Variants in WDR72 observed in about 807,000 individuals in gnomAD.
The protein encoded by WDR72 is WD repeat-containing protein 72.
WDR72 carries 120 observed loss-of-function variants against 124.2 expected under a neutral mutation model. That is an observed-to-expected ratio of 0.97 (90% CI 0.83 to 1.12). The LOEUF (loss-of-function observed/expected upper bound fraction) is 1.12, where lower values mean the gene tolerates loss of function less well. WDR72 is among the 50% of genes most tolerant of loss of function. The pLI is 0.00. For synonymous variants in WDR72, 452 were observed against 441.7 expected (o/e 1.02, Z -0.29); for missense variants, 1,387 against 1,278.8 (o/e 1.08, Z -1.29).
intron 18 of WDR72, among the ~76,000 whole-genome samples, chr15:53,544,928 T>G (rs980840330): frequency 6.8e-6 from 1 of 147,942 alleles, no homozygotes; most frequent in Non-Finnish European, 1.5e-5. Context: ...TCAAAGAGAA[T>G]AAAATACCTA....
At chr15:53,758,025 A>C (rs1332203654) in intron 1 of WDR72, among the ~76,000 whole-genome samples, 4 of 151,214 alleles carry the variant, frequency 2.6e-5, no homozygotes, top group African/African-American at 9.8e-5. Flanking sequence ...CTTTTGAGAC[A>C]GGGTCTTTCT....
At chr15:53,660,048 T>TA (rs1178995580) in intron 14 of WDR72, among the ~76,000 whole-genome samples, 2 of 151,940 alleles carry the variant, frequency 1.3e-5, no homozygotes, top group African/African-American at 4.8e-5. Context: ...TTTAAAATTA[T>TA]AAAAAATTGA....
intron 3 of WDR72, among the ~76,000 whole-genome samples, chr15:53,717,345 G>A (rs1437028979): frequency 6.6e-6 from 1 of 152,046 alleles, no homozygotes; most frequent in Non-Finnish European, 1.5e-5. Context: ...AGAATTGTTT[G>A]GTAATATTCT....
At position 53,714,394 on chromosome 15, in the gene WDR72, TGAAATTGTAAGGAAAAAAGA is replaced by T; in HGVS notation, c.591+20_591+39del. On this transcript the variant is annotated intron_variant, in intron 6 of 19. Transcript: ENST00000360509. ...ATTTATAAATTTTAATGAATATGCTTGAAATTGTAAGGAAAAAAGAGTAGGGTTCCCAAGCCAACCTGAAT... is the reference window on the plus strand; with the variant it reads ...ATTTATAAATTTTAATGAATATGCTTGTAGGGTTCCCAAGCCAACCTGAAT... 1 of 1,503,822 alleles carries T rather than the reference TGAAATTGTAAGGAAAAAAGA, an allele frequency of 6.6e-7. No homozygotes were observed. Among genetic ancestry groups the T allele is most frequent in the South Asian group, 1.1e-5 (1 of 88,680 alleles). The allele number at this position is 1,503,822 out of a possible 1,614,324, so 93.2% of individuals were successfully genotyped here.
chr15:53,716,771 C>CTGCACTTAAGTGT, intron 3 of WDR72, 86 bp from the exon 4 acceptor site: 1 of 409,650 alleles, frequency 2.4e-6, no homozygotes, highest in Non-Finnish European at 4.5e-6. Context: ...TTTTCTTTAG[C>CTGCACTTAAGTGT]AGCCTGATCA....
chr15:53,689,782 C>A (rs1248337944), intron 13 of WDR72, among the ~76,000 whole-genome samples: 1 of 151,976 alleles, frequency 6.6e-6, no homozygotes, highest in African/African-American at 2.4e-5. Flanking sequence ...TTTATTGCGG[C>A]ATTATTCACA....
chr15:53,537,461 C>T (rs1892822715), intron 18 of WDR72, among the ~76,000 whole-genome samples: 1 of 152,096 alleles, frequency 6.6e-6, no homozygotes, highest in African/African-American at 2.4e-5. Context: ...GGAAATGTAT[C>T]TAAATGCTAT....
chr15:53,643,476 G>A (rs1031609590), intron 14 of WDR72, among the ~76,000 whole-genome samples: 2 of 151,980 alleles, frequency 1.3e-5, no homozygotes, highest in African/African-American at 4.8e-5. Context: ...CACCTAAAAC[G>A]TTAAAGTCCC....
chr15:53,586,862 T>G (rs1277303670), intron 18 of WDR72, among the ~76,000 whole-genome samples: 2 of 152,028 alleles, frequency 1.3e-5, no homozygotes, highest in Non-Finnish European at 2.9e-5. Flanking sequence ...AGGAACTTCT[T>G]GAGTTAGTGT....
intron 13 of WDR72, among the ~76,000 whole-genome samples, chr15:53,685,040 C>T (rs1407740260): frequency 1.3e-5 from 2 of 152,090 alleles, no homozygotes; most frequent in Non-Finnish European, 2.9e-5. Context: ...GAAAGGACAT[C>T]CACACCAAAA....
At chr15:53,747,601 T>G (rs1297757169) in intron 1 of WDR72, among the ~76,000 whole-genome samples, 1 of 152,226 alleles carries the variant, frequency 6.6e-6, no homozygotes, top group Non-Finnish European at 1.5e-5. Flanking sequence ...CACATCTCTT[T>G]CATTACATGG....
intron 14 of WDR72, among the ~76,000 whole-genome samples, chr15:53,648,599 C>T (rs1567003712): frequency 1.3e-5 from 2 of 152,062 alleles, no homozygotes; most frequent in Admixed American, 6.6e-5. Context: ...TAGTGTTTCT[C>T]CTCTTTTGAG....
intron 18 of WDR72, among the ~76,000 whole-genome samples, chr15:53,564,393 T>C (rs780316494): frequency 6.6e-6 from 1 of 151,936 alleles, no homozygotes; most frequent in Non-Finnish European, 1.5e-5. Context: ...CTGTGTGTTA[T>C]GTTCTCATAT....
chr15:53,703,833 T>G (rs1003872501), intron 11 of WDR72, among the ~76,000 whole-genome samples: 2 of 152,192 alleles, frequency 1.3e-5, no homozygotes, highest in Non-Finnish European at 2.9e-5. Context: ...TTCTATTCCT[T>G]CAGGCATATC....
intron 2 of WDR72, among the ~76,000 whole-genome samples, chr15:53,728,689 A>T (rs985598968): frequency 3.9e-5 from 6 of 152,188 alleles, no homozygotes; most frequent in African/African-American, 1.4e-4. Context: ...GATATTCACC[A>T]CACCTTTCTC....
rs565299716 is a variant in WDR72 at position 53,638,521 on chromosome 15, C to T, written c.1963-22278G>A. ...TGACATTTTGTTATTGGTACTTTAACATATAAAATATCCTTCTAGATTTGT... is the reference window on the plus strand; with the variant it reads ...TGACATTTTGTTATTGGTACTTTAATATATAAAATATCCTTCTAGATTTGT... On this transcript the variant is annotated intron_variant, in intron 14 of 19. Transcript: ENST00000360509. Among the ~76,000 whole-genome samples, 9 of 149,574 alleles carry T rather than the reference C, an allele frequency of 6.0e-5. No homozygotes were observed. The South Asian group carries it at 6.5e-4, about 11-fold the overall frequency.
chr15:53,753,073 A>G (rs1329580531), intron 1 of WDR72, among the ~76,000 whole-genome samples: 1 of 152,182 alleles, frequency 6.6e-6, no homozygotes, highest in Non-Finnish European at 1.5e-5. Flanking sequence ...TTTCATTCCC[A>G]TGGCTGTCAA....
intron 1 of WDR72, among the ~76,000 whole-genome samples, chr15:53,749,600 T>G (rs931967075): frequency 6.6e-6 from 1 of 152,066 alleles, no homozygotes; most frequent in East Asian, 1.9e-4. Context: ...TCACCTTAAA[T>G]CAAAGCCAAA....
At chr15:53,684,970 A>C (rs28840832) in intron 13 of WDR72, among the ~76,000 whole-genome samples, 1 of 152,108 alleles carries the variant, frequency 6.6e-6, no homozygotes, top group Non-Finnish European at 1.5e-5. Flanking sequence ...TCACAAGGCA[A>C]GGTATTCCAA....
Sources: allele counts gnomAD v4.1 joint callset (sites outside exome capture counted in the v4.1 genomes callset), GRCh38; gene constraint gnomAD v4.1.1; transcripts MANE v1.5; gene names NCBI Gene and HGNC (gene_info 2026-07-23, HGNC 2026-07-21).